The following BTNL9 variants were observed in gnomAD, a reference collection of about 807,000 sequenced individuals.
BTNL9 encodes butyrophilin-like protein 9.
A neutral mutation model predicts 45.8 loss-of-function variants in BTNL9; 45 were observed. That is an observed-to-expected ratio of 0.98 (90% CI 0.77 to 1.26). BTNL9 has a LOEUF of 1.26. Ranked by LOEUF, BTNL9 falls within the 50% of genes most tolerant of loss-of-function variation. The pLI is 0.00. For synonymous variants in BTNL9, 346 were observed against 330.8 expected, an observed-to-expected ratio of 1.05 and a Z score of -0.50; for missense variants, 784 against 729.7, an observed-to-expected ratio of 1.07 and a Z score of -0.86.
chr5:181,057,404 C>T (rs966972128), intron 9 of BTNL9, among the ~76,000 whole-genome samples: 2 of 152,310 alleles, frequency 1.3e-5, no homozygotes, highest in South Asian at 2.1e-4. Context: ...GGCTTACCAA[C>T]GCCATTTACT....
chr5:181,048,739 CTATCTA>C (rs1761335174), intron 3 of BTNL9, among the ~76,000 whole-genome samples: 1 of 63,082 alleles, frequency 1.6e-5, no homozygotes, highest in Non-Finnish European at 3.2e-5. Context: ...ATATATATAT[CTATCTA>C]TATATATAGA....
rs181926113 is a variant in BTNL9, at chr5:181,051,664, A to T, written c.736+1295A>T. Among the ~76,000 whole-genome samples the T allele has an allele frequency of 2.0e-5, 3 of 152,336 alleles. No individual in the cohort carries two copies. The East Asian group carries it at 5.8e-4, about 29-fold the overall frequency. On this transcript the variant is annotated intron_variant, in intron 4 of 10. Transcript: ENST00000327705. ...TCTCTCTTTTATGTTTACATTTCAA[A>T]CAAGTGGCCCTTAAGGAAAACATTA...
At chr5:181,043,192 GTGTGTA>G (rs1035400699) in intron 1 of BTNL9, among the ~76,000 whole-genome samples, 5 of 151,874 alleles carry the variant, frequency 3.3e-5, no homozygotes, top group African/African-American at 1.2e-4. Flanking sequence ...ACGTGTGTGT[GTGTGTA>G]TGTGTCTGTG....
intron 1 of BTNL9, among the ~76,000 whole-genome samples, chr5:181,043,876 G>A (rs1305430690): frequency 6.6e-6 from 1 of 152,254 alleles, no homozygotes; most frequent in Non-Finnish European, 1.5e-5. Context: ...AGTCTGGACT[G>A]TCCAGCCAGG....
Position 181,045,727 on chromosome 5 carries a change from C to G in BTNL9, c.109+129C>G. 3 of 734,044 alleles carry G rather than the reference C, an allele frequency of 4.1e-6. 1 individual carries two copies. The South Asian group carries it at 4.9e-5, about 12-fold the overall frequency. 45.5% of individuals were successfully genotyped at this position (734,044 alleles called of 1,614,324 possible). A position where few individuals can be genotyped will look rare whatever the true frequency, so the allele number is the denominator to read the frequency against. ...CTAAAATACAAAAAAGACTTCCATC[C>G]TGGTTGTTAAAGAGCCACTACCCCG... On this transcript the variant is annotated intron_variant, in intron 2 of 10. Coordinates refer to ENST00000327705, the MANE Select transcript of BTNL9 (RefSeq NM_152547.5).
chr5:181,046,713 G>T (rs894429922), intron 2 of BTNL9, among the ~76,000 whole-genome samples: 19 of 150,820 alleles, frequency 1.3e-4, no homozygotes, highest in Non-Finnish European at 2.5e-4. Context: ...GAGAGAGGGA[G>T]AGAGAGAGAG....
intron 4 of BTNL9, among the ~76,000 whole-genome samples, chr5:181,052,228 A>C (rs547931069): frequency 1.3e-5 from 2 of 152,364 alleles, no homozygotes; most frequent in Non-Finnish European, 2.9e-5. Flanking sequence ...GACACACAGA[A>C]CAAATGCCGT....
At chr5:181,048,586 C>T (rs550787180) in intron 3 of BTNL9, among the ~76,000 whole-genome samples, 15 of 151,556 alleles carry the variant, frequency 9.9e-5, no homozygotes, top group Middle Eastern at 3.4e-3. Flanking sequence ...GAGACCCCAT[C>T]TCTTAGCCAG....
Position 181,048,760 on chromosome 5 carries a change from GA to G in BTNL9, c.454+490del, listed in dbSNP as rs1429173905. ...ATATCTATCTATATATATAGATATA[GA>G]TATATATAGTATGCTATATATTAAT... On this transcript the variant is annotated intron_variant, in intron 3 of 10. Transcript: ENST00000327705. Among the ~76,000 whole-genome samples the G allele has an allele frequency of 4.5e-4, 31 of 68,300 alleles. 2 individuals carry two copies. The highest frequency in any genetic ancestry group is 1.3e-3 in the African/African-American group (30 of 22,396). 44.8% of individuals were successfully genotyped at this position (68,300 alleles called of 152,430 possible).
intron 10 of BTNL9, 127 bp from the exon 11 acceptor site, chr5:181,059,110 G>T (rs1471465015): frequency 1.4e-6 from 2 of 1,387,332 alleles, no homozygotes; most frequent in East Asian, 5.8e-5. Flanking sequence ...AGGGGTGAGG[G>T]TCGGGGTAAG....
In BTNL9 at chr5:181,053,470, A is replaced by G. The variant is rs1261540547; in HGVS notation, c.855A>G (p.Glu285=). 6.3e-7 allele frequency: 1 copy of G among 1,575,814 alleles called. No homozygotes were observed. Among genetic ancestry groups the G allele is most frequent in the African/African-American group, 1.3e-5 (1 of 74,328 alleles). The change falls in exon 6 of 11, where the codon GAA becomes GAG. Residue 285 remains glutamate, a splice_region_variant and synonymous_variant. Transcript: ENST00000327705. The surrounding 1 kb of genome is among the most constrained non-coding windows in gnomAD (Gnocchi z 6.5). ...GVLRKQRRSR[E]KLRKQAEKRQ... ...CTCTCCGCTCCCGTTTCCCTTCAGAAAAGCTGAGGAAGCAGGCGGAGAAGA... is the reference window on the plus strand; with the variant it reads ...CTCTCCGCTCCCGTTTCCCTTCAGAGAAGCTGAGGAAGCAGGCGGAGAAGA...
Position 181,055,173 on chromosome 5 carries a change from C to G in BTNL9, c.908-260C>G. On this transcript the variant is annotated intron_variant, in intron 7 of 10. Transcript: ENST00000327705. This position sits in a 1 kb window ranked among gnomAD's most constrained non-coding sequence, Gnocchi z 4.4. Reference sequence around the variant, plus strand: ...ACCCCAACCCTGGGAAGAGGCCTGTCAGTACTAAGATCTGGTATCCCTTCT... The same window carrying G: ...ACCCCAACCCTGGGAAGAGGCCTGTGAGTACTAAGATCTGGTATCCCTTCT... 3.8e-6 allele frequency: 5 copies of G among 1,300,786 alleles called. No homozygotes were observed. The highest frequency in any genetic ancestry group is 3.3e-5 in the Admixed American group (1 of 30,038). 80.6% of individuals were successfully genotyped at this position (1,300,786 alleles called of 1,614,324 possible). A position where few individuals can be genotyped will look rare whatever the true frequency, so the allele number is the denominator to read the frequency against.
chr5:181,060,170 G>A lies in BTNL9; in HGVS notation c.*308G>A. On this transcript the variant is annotated 3_prime_UTR_variant, in exon 11 of 11. Coordinates refer to ENST00000327705, the MANE Select transcript of BTNL9 (RefSeq NM_152547.5). ...AAGAAGCCAGCATGGAAGAAAGAAG[G>A]GAGAAAACTTTGGTGACTGCCTTAG... The A allele has an allele frequency of 2.5e-6, 1 of 404,388 alleles. No homozygotes were observed. The highest frequency in any genetic ancestry group is 4.4e-6 in the Non-Finnish European group (1 of 228,668). 25.0% of individuals were successfully genotyped at this position (404,388 alleles called of 1,614,324 possible).
At chr5:181,054,628 T>G in intron 7 of BTNL9, 5 of 985,388 alleles carry the variant, frequency 5.1e-6, no homozygotes, top group Non-Finnish European at 6.0e-6. Flanking sequence ...ATTTCTCAGA[T>G]CCACTTTTCT....
At chr5:181,056,716 G>A (rs1054097145) in intron 9 of BTNL9, 3 of 656,190 alleles carry the variant, frequency 4.6e-6, no homozygotes, top group African/African-American at 3.6e-5. Flanking sequence ...CCACTAAGGG[G>A]ATAGTGGGAT....
At chr5:181,047,903 GC>G (rs1460927438) in intron 2 of BTNL9, 23 bp from the exon 3 acceptor site, 2 of 1,594,538 alleles carry the variant, frequency 1.3e-6, no homozygotes, top group Admixed American at 1.7e-5. Flanking sequence ...GGTTGCTTTT[GC>G]CTGTTCTGAC....
At chr5:181,046,277 C>T (rs182950487) in intron 2 of BTNL9, among the ~76,000 whole-genome samples, 1,548 of 33,494 alleles carry the variant, frequency 0.046, 4 homozygotes, top group South Asian at 0.12. Flanking sequence ...TCTCCAGCCC[C>T]CAACACCTCC....
chr5:181,058,350 A>C lies in BTNL9; in HGVS notation c.956-2A>C. The stretch of plus-strand genomic sequence containing the variant: ...TTTTTCCCCTTTTCTGTTTGGTTTC[A>C]GAGTGGAGAGCAGCCCAAAAATATG... On this transcript the variant is annotated splice_acceptor_variant, in intron 9 of 10. Transcript: ENST00000327705. LOFTEE classifies it high-confidence loss of function. 6.2e-7 allele frequency: 1 copy of C among 1,614,066 alleles called. No individual in the cohort carries two copies. Among genetic ancestry groups the C allele is most frequent in the Non-Finnish European group, 8.5e-7 (1 of 1,179,982 alleles).
rs1031926048 is a variant in BTNL9, at chr5:181,060,436, C to T, written c.*574C>T. 5 of 152,244 alleles carry T rather than the reference C, an allele frequency of 3.3e-5. No individual in the cohort carries two copies. The highest frequency in any genetic ancestry group is 2.0e-4 in the Admixed American group (3 of 15,284). 9.4% of individuals were successfully genotyped at this position (152,244 alleles called of 1,614,324 possible). A position where few individuals can be genotyped will look rare whatever the true frequency, so the allele number is the denominator to read the frequency against. ...GGTGAAGTAAAATAAAGGCTCAAAA[C>T]GTGACGGCAACCCGGCAAAAGGGTA... On this transcript the variant is annotated 3_prime_UTR_variant, in exon 11 of 11. Transcript: ENST00000327705.
Sources: allele counts gnomAD v4.1 joint callset (sites outside exome capture counted in the v4.1 genomes callset), GRCh38; gene constraint gnomAD v4.1.1; non-coding constraint Gnocchi (gnomAD v3.1); transcripts MANE v1.5; gene names NCBI Gene and HGNC (gene_info 2026-07-23, HGNC 2026-07-21).